Variants in LRRC37A2 observed in about 807,000 individuals in gnomAD.
The protein encoded by LRRC37A2 is leucine-rich repeat-containing protein 37A2.
LRRC37A2 carries 9 observed loss-of-function variants against 68.8 expected under a neutral mutation model. That is an observed-to-expected ratio of 0.13 (90% CI 0.08 to 0.23). LRRC37A2 has a LOEUF of 0.23. Among genes scored for constraint, LRRC37A2 ranks in the 10% least tolerant of loss-of-function variants. LRRC37A2 has a pLI of 1.00. For synonymous variants in LRRC37A2, 63 were observed against 367.6 expected (o/e 0.17, Z 9.48); for missense variants, 168 against 950.4 (o/e 0.18, Z 10.82).
chr17:46,755,391 T>C, the LRRC37A2 span: 3 of 1,601,448 alleles, frequency 1.9e-6, no homozygotes, highest in Admixed American at 5.0e-5. Flanking sequence ...CAACATTTAA[T>C]GACCATCAAC....
chr17:46,794,137 CA>C, the LRRC37A2 span, among the ~76,000 whole-genome samples: 1 of 151,348 alleles, frequency 6.6e-6, no homozygotes, highest in Non-Finnish European at 1.5e-5. Context: ...TGGGGGAGAG[CA>C]AGTGAAGGAG....
chr17:46,401,699 TCTCATAAGTAA>T, the LRRC37A2 span, among the ~76,000 whole-genome samples: 1 of 31,620 alleles, frequency 3.2e-5, no homozygotes, highest in South Asian at 1.1e-3. Context: ...TGATCATGAA[TCTCATAAGTAA>T]AAAATGTTTT....
At chr17:46,746,122 T>G in the LRRC37A2 span, among the ~76,000 whole-genome samples, 1 of 152,238 alleles carries the variant, frequency 6.6e-6, no homozygotes, top group Non-Finnish European at 1.5e-5. Flanking sequence ...TGCATCTGTC[T>G]TTCTGTGGAA....
chr17:46,851,217 C>T, the LRRC37A2 span, among the ~76,000 whole-genome samples: 1 of 152,146 alleles, frequency 6.6e-6, no homozygotes, highest in Non-Finnish European at 1.5e-5. The surrounding 1 kb of genome is among the most constrained non-coding windows in gnomAD (Gnocchi z 4.3). Context: ...ACCTTCTCTA[C>T]CTCGGAGAAG....
At chr17:46,823,230 G>C in the LRRC37A2 span, among the ~76,000 whole-genome samples, 1 of 129,680 alleles carries the variant, frequency 7.7e-6, no homozygotes, top group Non-Finnish European at 1.6e-5. Flanking sequence ...TATATATATA[G>C]AAAGGTGGAA....
chr17:46,968,982 C>T, the LRRC37A2 span: 1 of 152,902 alleles, frequency 6.5e-6, no homozygotes. Context: ...CTGAAAGCAT[C>T]CCTGCCGACA....
At chr17:46,931,172 C>G in the LRRC37A2 span, 2 of 1,604,768 alleles carry the variant, frequency 1.2e-6, no homozygotes, top group Non-Finnish European at 1.7e-6. Flanking sequence ...TTTTGTCCAG[C>G]AAGGAGCCCC....
the LRRC37A2 span, among the ~76,000 whole-genome samples, chr17:46,853,312 G>A: frequency 3.4e-5 from 5 of 147,300 alleles, no homozygotes; most frequent in Non-Finnish European, 7.4e-5. Flanking sequence ...TACATGTAAA[G>A]CACTTAGGAC....
chr17:46,675,696 AT>A, the LRRC37A2 span, among the ~76,000 whole-genome samples: 2 of 134,146 alleles, frequency 1.5e-5, no homozygotes, highest in African/African-American at 6.1e-5. Flanking sequence ...GTCTGTTCTG[AT>A]TAATTATCCT....
chr17:46,490,734 A>AC, the LRRC37A2 span, among the ~76,000 whole-genome samples: 1 of 150,252 alleles, frequency 6.7e-6, no homozygotes, highest in African/African-American at 2.5e-5. Context: ...AAAAAAAAAA[A>AC]AAAAACCTTT....
chr17:46,948,950 C>G, the LRRC37A2 span: 1 of 152,240 alleles, frequency 6.6e-6, no homozygotes, highest in Non-Finnish European at 1.5e-5. Context: ...TAGCTACGAA[C>G]TGAGCACCCA....
At chr17:46,877,038 C>T in the LRRC37A2 span, 25 of 1,164,410 alleles carry the variant, frequency 2.1e-5, no homozygotes, top group South Asian at 1.3e-4. Flanking sequence ...AAATTTTGGA[C>T]GGGAGAGAGG....
the LRRC37A2 span, among the ~76,000 whole-genome samples, chr17:46,980,739 A>G: frequency 6.6e-6 from 1 of 151,340 alleles, no homozygotes; most frequent in Non-Finnish European, 1.5e-5. Flanking sequence ...AGGCTGAGGC[A>G]GGAGAATGGC....
chr17:46,758,817 C>T, the LRRC37A2 span, among the ~76,000 whole-genome samples: 5 of 152,144 alleles, frequency 3.3e-5, no homozygotes, highest in African/African-American at 9.7e-5. Context: ...AACAGTGAGT[C>T]AGCTATAAAC....
the LRRC37A2 span, among the ~76,000 whole-genome samples, chr17:46,791,600 C>T: frequency 6.6e-6 from 1 of 152,242 alleles, no homozygotes; most frequent in Admixed American, 6.5e-5. Context: ...GTGTACAACA[C>T]CCTGTCACTC....
the LRRC37A2 span, among the ~76,000 whole-genome samples, chr17:46,741,529 T>C: frequency 6.6e-6 from 1 of 152,146 alleles, no homozygotes; most frequent in Admixed American, 6.5e-5. Flanking sequence ...GCCTGCCTAG[T>C]TGTGGCATGA....
the LRRC37A2 span, among the ~76,000 whole-genome samples, chr17:47,007,326 TGCCAGCACA>T: frequency 6.6e-6 from 1 of 152,100 alleles, no homozygotes; most frequent in African/African-American, 2.4e-5. Flanking sequence ...TACAGGTGCC[TGCCAGCACA>T]GCCAGCTAAT....
At chr17:46,894,222 C>A in the LRRC37A2 span, among the ~76,000 whole-genome samples, 5 of 152,226 alleles carry the variant, frequency 3.3e-5, no homozygotes, top group African/African-American at 4.8e-5. Context: ...ACCTTAGGTA[C>A]AAAGTGCTGA....
At chr17:46,392,509 T>TTCTC in the LRRC37A2 span, among the ~76,000 whole-genome samples, 16 of 42,350 alleles carry the variant, frequency 3.8e-4, no homozygotes, top group Admixed American at 1.9e-3. Context: ...TTTTCTCTCT[T>TTCTC]TCTCTCTCTC....
Sources: gnomAD v4.1 joint callset for allele counts (sites outside exome capture counted in the v4.1 genomes callset) on GRCh38, gnomAD v4.1.1 for gene constraint, Gnocchi (gnomAD v3.1) non-coding constraint, MANE v1.5 for transcripts, NCBI Gene and HGNC (gene_info 2026-07-23, HGNC 2026-07-21) for gene names.